The following CDH13 variants were observed in gnomAD, a reference collection of about 807,000 sequenced individuals.
CDH13 encodes the protein cadherin-13.
CDH13 carries 24 observed loss-of-function variants against 63.8 expected under a neutral mutation model. The observed-to-expected ratio is 0.38, with a 90% CI of 0.27 to 0.53. CDH13 has a LOEUF of 0.53. Ranked by LOEUF, CDH13 falls within the 20% of genes least tolerant of loss-of-function variation. The probability of loss-of-function intolerance (pLI) is 0.85; values close to 1 mark genes in which losing one functional copy is unlikely to be tolerated. For synonymous variants in CDH13, 503 were observed against 355.3 expected (o/e 1.42, Z -4.67); for missense variants, 1,049 against 903.1 (o/e 1.16, Z -2.07).
chr16:82,675,189 T>G (rs1913756780), intron 1 of CDH13, among the ~76,000 whole-genome samples: 1 of 152,142 alleles, frequency 6.6e-6, no homozygotes, highest in Non-Finnish European at 1.5e-5. Context: ...TACAGTGAAT[T>G]AGAGGGAGAT....
chr16:82,645,440 C>T (rs755162783), intron 1 of CDH13, among the ~76,000 whole-genome samples: 5 of 151,986 alleles, frequency 3.3e-5, no homozygotes, highest in East Asian at 1.9e-4. Context: ...TTGTGACCCT[C>T]GGGACAGTTT....
At chr16:83,683,002 A>G (rs1224399299) in intron 10 of CDH13, among the ~76,000 whole-genome samples, 1 of 152,204 alleles carries the variant, frequency 6.6e-6, no homozygotes, top group South Asian at 2.1e-4. Context: ...CCTGCCTCGC[A>G]TGAGGAAATG....
intron 6 of CDH13, among the ~76,000 whole-genome samples, chr16:83,474,305 A>G: frequency 6.6e-6 from 1 of 152,168 alleles, no homozygotes; most frequent in South Asian, 2.1e-4. Flanking sequence ...ACAGATAAGG[A>G]AATTGAGCCT....
At chr16:83,734,203 G>T (rs1911309604) in intron 10 of CDH13, among the ~76,000 whole-genome samples, 1 of 152,098 alleles carries the variant, frequency 6.6e-6, no homozygotes, top group Admixed American at 6.5e-5. Context: ...ACTCAAAACT[G>T]AAAAAATATA....
intron 5 of CDH13, among the ~76,000 whole-genome samples, chr16:83,266,454 A>G (rs1020381212): frequency 3.3e-5 from 5 of 152,204 alleles, no homozygotes; most frequent in Admixed American, 2.6e-4. Context: ...ACTTAATGGC[A>G]GTTACTTATT....
intron 2 of CDH13, among the ~76,000 whole-genome samples, chr16:82,991,341 A>G (rs920504728): frequency 2.0e-5 from 3 of 152,218 alleles, no homozygotes; most frequent in Admixed American, 6.5e-5. Flanking sequence ...TTAAAAGTAT[A>G]TATCTTAATA....
intron 8 of CDH13, among the ~76,000 whole-genome samples, chr16:83,618,135 G>C (rs1909452525): frequency 1.5e-5 from 2 of 134,278 alleles, no homozygotes; most frequent in East Asian, 4.8e-4. Context: ...TTGTTGCAAA[G>C]CACTTGCGGC....
chr16:83,661,906 C>T (rs942007555), intron 8 of CDH13, among the ~76,000 whole-genome samples: 4 of 152,198 alleles, frequency 2.6e-5, no homozygotes, highest in African/African-American at 9.6e-5. Flanking sequence ...CCCTTTGGTT[C>T]ATTCCCCAGC....
chr16:83,340,907 C>T (rs1182207979), intron 5 of CDH13, among the ~76,000 whole-genome samples: 1 of 152,050 alleles, frequency 6.6e-6, no homozygotes, highest in Admixed American at 6.6e-5. Context: ...CTTGTTATTC[C>T]CATGCAGGTC....
intron 7 of CDH13, among the ~76,000 whole-genome samples, chr16:83,506,313 A>G (rs1038589954): frequency 2.6e-5 from 4 of 152,194 alleles, no homozygotes; most frequent in African/African-American, 7.2e-5. Context: ...TTCCTGGGAA[A>G]GGGACTTATT....
At chr16:83,604,598 C>T (rs79752453) in intron 8 of CDH13, among the ~76,000 whole-genome samples, 2,962 of 152,172 alleles carry the variant, frequency 0.019, 90 homozygotes, top group African/African-American at 0.067. Flanking sequence ...TCTTCTTTGG[C>T]CTGGGGGCTT....
intron 4 of CDH13, among the ~76,000 whole-genome samples, chr16:83,147,575 A>C (rs916401456): frequency 9.9e-5 from 15 of 152,094 alleles, no homozygotes; most frequent in African/African-American, 3.6e-4. Flanking sequence ...GATTCTCCCA[A>C]CATCCCTCAG....
At chr16:83,491,679 G>T (rs1790704837) in intron 7 of CDH13, among the ~76,000 whole-genome samples, 1 of 151,908 alleles carries the variant, frequency 6.6e-6, no homozygotes, top group Admixed American at 6.6e-5. Flanking sequence ...AGGGGTTTGA[G>T]CTGAGCACTT....
Position 83,126,778 on chromosome 16 carries a change from C to T in CDH13, c.483+1277C>T, listed in dbSNP as rs902732123. On this transcript the variant is annotated intron_variant, in intron 4 of 13. Coordinates refer to ENST00000567109, the MANE Select transcript of CDH13 (RefSeq NM_001257.5). ...CTTAATGGCAGTTGCTGTTGAACTA[C>T]TAATTCATTAAATACACAGTACATG... Among the ~76,000 whole-genome samples the T allele has an allele frequency of 3.1e-4, 47 of 152,132 alleles. 1 individual carries two copies. Among genetic ancestry groups the T allele is most frequent in the Non-Finnish European group, 7.3e-5 (5 of 68,028 alleles).
At chr16:83,442,021 C>T (rs555859606) in intron 6 of CDH13, among the ~76,000 whole-genome samples, 12 of 152,164 alleles carry the variant, frequency 7.9e-5, no homozygotes, top group South Asian at 2.1e-4. Flanking sequence ...GAGCTGGGAG[C>T]GAGATGACAG....
chr16:83,025,605 T>C (rs1342568490), intron 2 of CDH13, among the ~76,000 whole-genome samples: 1 of 152,150 alleles, frequency 6.6e-6, no homozygotes, highest in Non-Finnish European at 1.5e-5. Flanking sequence ...CAATTCAAGA[T>C]GAGATTTTGG....
At chr16:83,395,946 C>T (rs1289331781) in intron 6 of CDH13, among the ~76,000 whole-genome samples, 1 of 152,116 alleles carries the variant, frequency 6.6e-6, no homozygotes, top group Non-Finnish European at 1.5e-5. Context: ...TGATCCTCTC[C>T]CTCCTCCCAT....
intron 6 of CDH13, among the ~76,000 whole-genome samples, chr16:83,472,671 A>G (rs1352467785): frequency 6.6e-6 from 1 of 152,180 alleles, no homozygotes; most frequent in Non-Finnish European, 1.5e-5. Context: ...TGCAATCTGG[A>G]AAAGCAGTAT....
At chr16:82,901,629 A>G (rs568813922) in intron 2 of CDH13, among the ~76,000 whole-genome samples, 4 of 152,346 alleles carry the variant, frequency 2.6e-5, no homozygotes, top group Non-Finnish European at 5.9e-5. Context: ...TTTTTCAGTA[A>G]GGAATAAAAG....
Sources: gnomAD v4.1 joint callset for allele counts (sites outside exome capture counted in the v4.1 genomes callset) on GRCh38, gnomAD v4.1.1 for gene constraint, MANE v1.5 for transcripts, NCBI Gene and HGNC (gene_info 2026-07-23, HGNC 2026-07-21) for gene names.